Variants in COL11A1 observed in about 807,000 individuals in gnomAD.
COL11A1 encodes collagen type XI alpha 1 chain, also known as collagen alpha-1(XI) chain.
In COL11A1, 74 loss-of-function variants were observed where a neutral mutation model predicts 265.2. The ratio of observed to expected loss-of-function variants is 0.28; its 90% CI spans 0.23 to 0.34. The LOEUF is 0.34. COL11A1 is among the 10% of genes least tolerant of loss of function. The probability of loss-of-function intolerance (pLI) is 1.00; values close to 1 mark genes in which losing one functional copy is unlikely to be tolerated. For missense variants in COL11A1, 2,165 were observed against 2,263.6 expected (o/e 0.96, Z 0.88); for synonymous variants, 816 against 727.6 (o/e 1.12, Z -1.96).
rs756689572 is a variant in COL11A1, at chr1:102,962,638, T to C, written c.3024+15A>G. On this transcript the variant is annotated intron_variant, in intron 39 of 66. Coordinates refer to ENST00000370096, the MANE Select transcript of COL11A1 (RefSeq NM_001854.4). ...AAGTTTTGGGCCAAAAAAAGTTTTCTGAAGCATGTTGTACCTTTGCACCTT... is the reference window on the plus strand; with the variant it reads ...AAGTTTTGGGCCAAAAAAAGTTTTCCGAAGCATGTTGTACCTTTGCACCTT... The C allele has an allele frequency of 6.2e-6, 10 of 1,613,764 alleles. No individual in the cohort carries two copies.
chr1:102,903,686 C>T (rs1034388146), intron 54 of COL11A1, among the ~76,000 whole-genome samples: 1 of 152,120 alleles, frequency 6.6e-6, no homozygotes, highest in Non-Finnish European at 1.5e-5. Flanking sequence ...AAATTGATTG[C>T]TGCATCAGAT....
At chr1:102,916,480 CA>C (rs1655356713) in intron 49 of COL11A1, among the ~76,000 whole-genome samples, 1 of 152,020 alleles carries the variant, frequency 6.6e-6, no homozygotes, top group Non-Finnish European at 1.5e-5. Context: ...CTAGTGGTCT[CA>C]GCAATTGTGA....
rs1445154129 is a variant in COL11A1 at position 103,047,786 on chromosome 1, T to C, written c.652-16542A>G. 2.0e-5 allele frequency among the ~76,000 whole-genome samples: 3 copies of C among 152,352 alleles called. No homozygotes were observed. The East Asian group carries it at 5.8e-4, about 29-fold the overall frequency. ...TTTTGAGATATGACCCATCAATACCTAATTTATTGAGAGTTTTTAGCATGA... is the reference window on the plus strand; with the variant it reads ...TTTTGAGATATGACCCATCAATACCCAATTTATTGAGAGTTTTTAGCATGA... On this transcript the variant is annotated intron_variant, in intron 4 of 66. Coordinates refer to ENST00000370096, the MANE Select transcript of COL11A1 (RefSeq NM_001854.4).
Position 102,912,146 on chromosome 1 carries a change from T to G in COL11A1, c.4086+13A>C, listed in dbSNP as rs1310435045. 1.2e-6 allele frequency: 2 copies of G among 1,603,652 alleles called. No individual in the cohort carries two copies. The highest frequency in any genetic ancestry group is 2.7e-5 in the African/African-American group (2 of 74,726). On this transcript the variant is annotated intron_variant, in intron 54 of 66. Transcript: ENST00000370096. ...TGAGCATATGTTTCAAATAAAGAAT[T>G]AAAGAAACTTACTCGTTTTCCAGGA...
intron 39 of COL11A1, 108 bp downstream of exon 39, chr1:102,962,545 A>T: frequency 1.0e-6 from 1 of 985,792 alleles, no homozygotes; most frequent in South Asian, 1.3e-5. Flanking sequence ...TATTTTCCTG[A>T]CACATCTTCT....
chr1:103,042,945 ACAT>A (rs908699336), intron 4 of COL11A1, among the ~76,000 whole-genome samples: 1 of 148,060 alleles, frequency 6.8e-6, no homozygotes, highest in Non-Finnish European at 1.5e-5. Flanking sequence ...TATATGAAAT[ACAT>A]CATATATATG....
At chr1:102,883,366 T>C in intron 63 of COL11A1, 55 bp from the exon 64 acceptor site, 2 of 1,048,036 alleles carry the variant, frequency 1.9e-6, no homozygotes, top group South Asian at 1.3e-5. Flanking sequence ...CATTGTTGAA[T>C]GCATTAGATG....
Position 103,004,604 on chromosome 1 carries a change from A to C in COL11A1, c.1899+4T>G, listed in dbSNP as rs766017266. ...ATTTCTTAAGAAAAGAAGTATTAAC[A>C]TACCCTCATTCCATCATCACCAGGA... On this transcript the variant is annotated splice_donor_region_variant and intron_variant, in intron 19 of 66. Coordinates refer to ENST00000370096, the MANE Select transcript of COL11A1 (RefSeq NM_001854.4). 3.2e-5 allele frequency: 52 copies of C among 1,607,036 alleles called. No homozygotes were observed. The highest frequency in any genetic ancestry group is 4.3e-5 in the Non-Finnish European group (51 of 1,176,010).
At chr1:103,020,154 G>A (rs1666910142) in intron 9 of COL11A1, among the ~76,000 whole-genome samples, 1 of 151,988 alleles carries the variant, frequency 6.6e-6, no homozygotes, top group Admixed American at 6.6e-5. Context: ...GATCCCTGAG[G>A]AATTGCCACA....
intron 36 of COL11A1, among the ~76,000 whole-genome samples, chr1:102,972,534 G>A (rs1170799767): frequency 1.3e-5 from 2 of 152,144 alleles, no homozygotes; most frequent in East Asian, 1.9e-4. Context: ...CTAATATCAA[G>A]CAATTAGCCC....
rs750685039 is a variant in COL11A1, at chr1:103,021,687, G to T, written c.1308+20C>A. On this transcript the variant is annotated intron_variant, in intron 9 of 66. Transcript: ENST00000370096. ...AAGCAATTTTACCAACCTTTAAAGTGTATTCACACTACTACTTACAGGCTC... is the reference window on the plus strand; with the variant it reads ...AAGCAATTTTACCAACCTTTAAAGTTTATTCACACTACTACTTACAGGCTC... 6 of 1,560,034 alleles carry T rather than the reference G, an allele frequency of 3.8e-6. No homozygotes were observed. The highest frequency in any genetic ancestry group is 5.3e-6 in the Non-Finnish European group (6 of 1,130,804).
intron 35 of COL11A1, among the ~76,000 whole-genome samples, 179 bp from the exon 36 acceptor site, chr1:102,975,062 A>AT (rs1322895980): frequency 6.6e-6 from 1 of 152,184 alleles, no homozygotes; most frequent in Non-Finnish European, 1.5e-5. Context: ...AAATGGATAC[A>AT]TTTTCACACT....
intron 54 of COL11A1, among the ~76,000 whole-genome samples, chr1:102,905,413 AAAGG>A (rs918148695): frequency 1.3e-5 from 2 of 150,680 alleles, no homozygotes; most frequent in African/African-American, 4.9e-5. Context: ...AAAGAGAGAG[AAAGG>A]AAGGAAGGAA....
At chr1:103,099,484 A>T (rs1158308429) in intron 1 of COL11A1, among the ~76,000 whole-genome samples, 1 of 148,302 alleles carries the variant, frequency 6.7e-6, no homozygotes, top group Non-Finnish European at 1.5e-5. Flanking sequence ...TATATATATT[A>T]TATATGGATA....
intron 36 of COL11A1, 152 bp from the exon 37 acceptor site, chr1:102,970,424 C>A: frequency 1.7e-6 from 1 of 580,376 alleles, no homozygotes; most frequent in South Asian, 2.6e-5. Flanking sequence ...ATAATATGCA[C>A]ATATATCTCT....
chr1:102,950,589 A>G (rs1659778941), intron 41 of COL11A1, among the ~76,000 whole-genome samples: 1 of 152,058 alleles, frequency 6.6e-6, no homozygotes, highest in African/African-American at 2.4e-5. Flanking sequence ...ACATTATTTT[A>G]TCCTAAAATA....
chr1:103,065,987 A>G (rs1426281000), intron 4 of COL11A1, among the ~76,000 whole-genome samples: 1 of 152,140 alleles, frequency 6.6e-6, no homozygotes, highest in African/African-American at 2.4e-5. Flanking sequence ...CCAGAGACAA[A>G]ACATTTTTAC....
At chr1:102,886,645 T>G (rs187617943) in intron 63 of COL11A1, among the ~76,000 whole-genome samples, 162 bp downstream of exon 63, 1 of 152,316 alleles carries the variant, frequency 6.6e-6, no homozygotes, top group Admixed American at 6.5e-5. Flanking sequence ...AAATCTTGAT[T>G]TATGCAGTAT....
intron 63 of COL11A1, chr1:102,884,329 G>C (rs1314558650): frequency 6.6e-6 from 1 of 152,142 alleles, no homozygotes; most frequent in Non-Finnish European, 1.5e-5. Flanking sequence ...GACATAAACA[G>C]GGCAGGAGAG....
Sources: gnomAD v4.1 joint callset for allele counts (sites outside exome capture counted in the v4.1 genomes callset) on GRCh38, gnomAD v4.1.1 for gene constraint, MANE v1.5 for transcripts, NCBI Gene and HGNC (gene_info 2026-07-23, HGNC 2026-07-21) for gene names.